The following DLG2 variants were observed in gnomAD, a reference collection of about 807,000 sequenced individuals.
DLG2 encodes discs large MAGUK scaffold protein 2, also known as disks large homolog 2.
Under a neutral mutation model 132.5 loss-of-function variants are expected in DLG2, and 45 were observed. The ratio of observed to expected loss-of-function variants is 0.34; its 90% confidence interval spans 0.27 to 0.44. The LOEUF (loss-of-function observed/expected upper bound fraction) is 0.44, where lower values mean the gene tolerates loss of function less well. DLG2 is among the 20% of genes least tolerant of loss of function. The pLI is 1.00. For missense variants in DLG2, 1,045 were observed against 1,196.9 expected (o/e 0.87, Z 1.87); for synonymous variants, 424 against 419.6 (o/e 1.01, Z -0.13).
chr11:84,074,566 T>C (rs1475552035), intron 10 of DLG2, among the ~76,000 whole-genome samples: 1 of 150,896 alleles, frequency 6.6e-6, no homozygotes, highest in African/African-American at 2.5e-5. Context: ...TCTTGCTCTG[T>C]CGCCCAGGCT....
rs750928889 is a variant in DLG2 at position 83,963,038 on chromosome 11, A to G, written c.1202-15T>C. 3 of 1,610,686 alleles carry G rather than the reference A, an allele frequency of 1.9e-6. No individual in the cohort carries two copies. Among genetic ancestry groups the G allele is most frequent in the African/African-American group, 1.3e-5 (1 of 74,762 alleles). ...TGGAGAATAAGCTAAGAGGTGGGGG[A>G]AAAAGAGAAAAGAAACCTGTTATGT... On this transcript the variant is annotated splice_polypyrimidine_tract_variant and intron_variant, in intron 13 of 27. Coordinates refer to ENST00000376104, the MANE Select transcript of DLG2 (RefSeq NM_001142699.3).
chr11:83,870,040 T>G (rs1259216745), intron 16 of DLG2, among the ~76,000 whole-genome samples: 2 of 152,244 alleles, frequency 1.3e-5, no homozygotes, highest in African/African-American at 4.8e-5. Flanking sequence ...TCTGCCTTGC[T>G]GCAGACACAT....
At chr11:83,976,744 T>TA (rs934531788) in intron 12 of DLG2, among the ~76,000 whole-genome samples, 36 of 151,858 alleles carry the variant, frequency 2.4e-4, no homozygotes, top group African/African-American at 3.4e-4. Context: ...GAAGTTTCTT[T>TA]AAAAAAAACT....
At chr11:84,563,104 T>C (rs1323720066) in intron 6 of DLG2, among the ~76,000 whole-genome samples, 1 of 152,206 alleles carries the variant, frequency 6.6e-6, no homozygotes, top group African/African-American at 2.4e-5. Context: ...AATCCATTCA[T>C]ATTGGGCTGC....
intron 18 of DLG2, among the ~76,000 whole-genome samples, chr11:83,649,103 A>G (rs1181362967): frequency 1.3e-5 from 2 of 152,138 alleles, no homozygotes; most frequent in Non-Finnish European, 2.9e-5. Context: ...GGGGAGATGG[A>G]CTGCTCAATA....
chr11:84,797,779 T>C (rs1336964668), intron 6 of DLG2, among the ~76,000 whole-genome samples: 2 of 152,198 alleles, frequency 1.3e-5, no homozygotes, highest in Non-Finnish European at 2.9e-5. Flanking sequence ...ATGTTTGTCA[T>C]TGTCTGGGCA....
chr11:84,271,689 C>A (rs1299280835), intron 7 of DLG2, among the ~76,000 whole-genome samples: 2 of 152,238 alleles, frequency 1.3e-5, no homozygotes, highest in East Asian at 1.9e-4. Flanking sequence ...ATTTAAGGAG[C>A]TCAAGACAAG....
chr11:85,070,305 A>AAAT (rs2065648341), intron 6 of DLG2, among the ~76,000 whole-genome samples: 1 of 145,824 alleles, frequency 6.9e-6, no homozygotes, highest in African/African-American at 2.5e-5. Flanking sequence ...AGTATAATAA[A>AAAT]AAATAAATAA....
At chr11:84,759,275 T>C (rs1004731604) in intron 6 of DLG2, among the ~76,000 whole-genome samples, 1 of 152,190 alleles carries the variant, frequency 6.6e-6, no homozygotes. Flanking sequence ...GCCTCTGCCT[T>C]TGAGAAGCTA....
rs2060031034 is a variant in DLG2, at chr11:84,708,594, A to G, written c.358-173863T>C. ...AAATTTTAAACCCCAGAGCTCTGGA[A>G]GATGCTTGCTCTCCCTTCAGCCAAA... On this transcript the variant is annotated intron_variant, in intron 6 of 27. Coordinates refer to ENST00000376104, the MANE Select transcript of DLG2 (RefSeq NM_001142699.3). Among the ~76,000 whole-genome samples, 6 of 151,926 alleles carry G rather than the reference A, an allele frequency of 3.9e-5. No individual in the cohort carries two copies. The South Asian group carries it at 1.2e-3, about 32-fold the overall frequency.
intron 18 of DLG2, among the ~76,000 whole-genome samples, chr11:83,751,297 G>A (rs2093291260): frequency 6.6e-6 from 1 of 152,160 alleles, no homozygotes; most frequent in Non-Finnish European, 1.5e-5. Flanking sequence ...AGAAACAGTA[G>A]AGGAAGAGTA....
chr11:85,036,950 CTGTT>C (rs755330285), intron 6 of DLG2, among the ~76,000 whole-genome samples: 4 of 152,182 alleles, frequency 2.6e-5, no homozygotes, highest in East Asian at 1.9e-4. Flanking sequence ...GGATTTTTCT[CTGTT>C]TGTTCTCAGA....
intron 6 of DLG2, among the ~76,000 whole-genome samples, chr11:84,599,162 T>A (rs1489745691): frequency 2.0e-5 from 3 of 151,994 alleles, no homozygotes; most frequent in Non-Finnish European, 4.4e-5. Context: ...GGAGAATCAT[T>A]CGAGCCCGGG....
intron 16 of DLG2, among the ~76,000 whole-genome samples, chr11:83,839,448 A>G (rs1397112815): frequency 2.0e-5 from 3 of 152,184 alleles, no homozygotes; most frequent in African/African-American, 7.2e-5. Context: ...AGCATTTCAC[A>G]TATATTTTCC....
At chr11:83,575,904 A>T (rs1402613583) in intron 19 of DLG2, among the ~76,000 whole-genome samples, 1 of 152,226 alleles carries the variant, frequency 6.6e-6, no homozygotes, top group African/African-American at 2.4e-5. Context: ...CATAAAAAGA[A>T]GTAGAACAAT....
intron 7 of DLG2, among the ~76,000 whole-genome samples, chr11:84,308,175 G>C (rs901337781): frequency 1.3e-5 from 2 of 152,116 alleles, no homozygotes; most frequent in South Asian, 4.2e-4. Flanking sequence ...ACAGAGAGCC[G>C]AGTGGTCTGT....
chr11:84,077,777 T>TA (rs1273564565), intron 10 of DLG2, among the ~76,000 whole-genome samples: 9 of 152,306 alleles, frequency 5.9e-5, no homozygotes, highest in African/African-American at 1.7e-4. Flanking sequence ...CTTGAGCAGT[T>TA]AAAAAATCAC....
chr11:84,859,975 T>C (rs1038209626), intron 6 of DLG2, among the ~76,000 whole-genome samples: 1 of 152,126 alleles, frequency 6.6e-6, no homozygotes, highest in African/African-American at 2.4e-5. Context: ...CCTTGTACAC[T>C]GTCCCTCACA....
intron 21 of DLG2, among the ~76,000 whole-genome samples, chr11:83,517,273 A>C (rs1001486845): frequency 6.6e-5 from 10 of 151,934 alleles, no homozygotes; most frequent in African/African-American, 1.7e-4. Flanking sequence ...CATTCATTTG[A>C]TCTTCCATCA....
Sources: gnomAD v4.1 joint callset for allele counts (sites outside exome capture counted in the v4.1 genomes callset) on GRCh38, gnomAD v4.1.1 for gene constraint, MANE v1.5 for transcripts, NCBI Gene and HGNC (gene_info 2026-07-23, HGNC 2026-07-21) for gene names.